The following CFAP46 variants were observed in gnomAD, a reference collection of about 807,000 sequenced individuals.
CFAP46 encodes cilia and flagella associated protein 46.
Under a neutral mutation model 325.7 loss-of-function variants are expected in CFAP46, and 245 were observed. The observed-to-expected ratio is 0.75, with a 90% CI of 0.68 to 0.84. CFAP46 has a LOEUF of 0.84. Ranked by LOEUF, CFAP46 falls within the 40% of genes least tolerant of loss-of-function variation. CFAP46 has a pLI of 0.00. For missense variants in CFAP46, 3,346 were observed against 3,543.0 expected (o/e 0.94, Z 1.41); for synonymous variants, 1,523 against 1,495.9 (o/e 1.02, Z -0.42).
rs544168728 is a variant in CFAP46, at chr10:132,884,641, G to A, written c.3627+462C>T. 1.3e-5 allele frequency among the ~76,000 whole-genome samples: 2 copies of A among 152,226 alleles called. No individual in the cohort carries two copies. Among genetic ancestry groups the A allele is most frequent in the East Asian group, 3.9e-4 (2 of 5,160 alleles). ...CCACCCCAAGGGGAACGTCCATCTC[G>A]CCTTCCTGGGGGTGGGGAAGAGACG... On this transcript the variant is annotated intron_variant, in intron 27 of 57. Transcript: ENST00000368586. The surrounding 1 kb of genome is among the most constrained non-coding windows in gnomAD (Gnocchi z 5.4).
Position 132,887,582 on chromosome 10 carries a change from CTT to C in CFAP46, c.3305-1625_3305-1624del, listed in dbSNP as rs1317175172. ...TCTTCTCTCTCCTCTCCTCTCCCCTCTTCTCTCCTCTCCCTTCTTCTCTCCTC... is the reference window on the plus strand; with the variant it reads ...TCTTCTCTCTCCTCTCCTCTCCCCTCCTCTCCTCTCCCTTCTTCTCTCCTC... On this transcript the variant is annotated intron_variant, in intron 25 of 57. Coordinates refer to ENST00000368586, the MANE Select transcript of CFAP46 (RefSeq NM_001200049.3). 8.9e-4 allele frequency among the ~76,000 whole-genome samples: 26 copies of C among 29,208 alleles called. 1 individual carries two copies. Among genetic ancestry groups the C allele is most frequent in the Non-Finnish European group, 7.0e-5 (1 of 14,384 alleles). The allele number at this position is 29,208 out of a possible 152,430, so 19.2% of individuals were successfully genotyped here. A position where few individuals can be genotyped will look rare whatever the true frequency, so the allele number is the denominator to read the frequency against.
intron 50 of CFAP46, among the ~76,000 whole-genome samples, chr10:132,820,782 CGTGCTGTGTGAGCACTGATGT>C (rs1591032065): frequency 2.1e-5 from 1 of 48,206 alleles, no homozygotes; most frequent in East Asian, 7.0e-4. Flanking sequence ...TGCGCTGATG[CGTGCTGTGTGAGCACTGATGT>C]GTGCTGTGTG....
chr10:132,935,776 T>C (rs12411822), intron 7 of CFAP46, among the ~76,000 whole-genome samples: 4 of 70,772 alleles, frequency 5.7e-5, no homozygotes, highest in African/African-American at 5.4e-5. Context: ...AAACACACTG[T>C]GATCTCCTCA....
At chr10:132,858,751 G>GT in intron 38 of CFAP46, among the ~76,000 whole-genome samples, 1 of 152,264 alleles carries the variant, frequency 6.6e-6, no homozygotes, top group East Asian at 1.9e-4. Flanking sequence ...GGGTGGTGCT[G>GT]TATGTCTGTG....
At position 132,814,879 on chromosome 10, in the gene CFAP46, G is replaced by T. The variant is rs778897600; in HGVS notation, c.7153C>A (p.Pro2385Thr). ...TTCTTCGCTAGGCTTCTCTTTTTGG[G>T]GTCTCTGCTTCTTCCCTCCTTTTTC... ...GVKKEGRSRD[P>T]KKRSLAKKGR... Residue 2385 changes from proline to threonine, a missense_variant, in exon 51 of 58, where the codon CCC (proline) becomes ACC (threonine). Physicochemically the swap from Pro to Thr is conservative, Grantham distance 38. Coordinates refer to ENST00000368586, the MANE Select transcript of CFAP46 (RefSeq NM_001200049.3). 1.2e-6 allele frequency: 2 copies of T among 1,614,018 alleles called. No homozygotes were observed. The highest frequency in any genetic ancestry group is 2.7e-5 in the African/African-American group (2 of 74,912).
In CFAP46 at chr10:132,929,788, CA is replaced by C. The variant is rs1564804275; in HGVS notation, c.882del (p.Phe294LeufsTer8). On this transcript the variant is annotated frameshift_variant, in exon 9 of 58. Coordinates refer to ENST00000368586, the MANE Select transcript of CFAP46 (RefSeq NM_001200049.3). LOFTEE classifies it high-confidence loss of function. ...SISEEKMLLLFELARFSLTLK... is the reference protein window; with the variant it reads ...SISEEKMLLLXELARFSLTLK... ...AAGGTCAAGGAAAAACGCGCCAATT[CA>C]AAAAGCAAAAGCATTCTGCAAACAA... is the stretch of plus-strand genomic sequence containing the variant. The C allele has an allele frequency of 6.2e-7, 1 of 1,608,578 alleles. No individual in the cohort carries two copies. The highest frequency in any genetic ancestry group is 8.5e-7 in the Non-Finnish European group (1 of 1,176,200).
chr10:132,917,593 G>A (rs566656299), intron 16 of CFAP46, among the ~76,000 whole-genome samples: 1 of 152,322 alleles, frequency 6.6e-6, no homozygotes, highest in Non-Finnish European at 1.5e-5. Flanking sequence ...GTTGCCGTGT[G>A]TCATCCACAC....
At chr10:132,930,585 A>G (rs1211401734) in intron 8 of CFAP46, among the ~76,000 whole-genome samples, 5 of 45,992 alleles carry the variant, frequency 1.1e-4, no homozygotes, top group Admixed American at 2.8e-4. Context: ...CACAAACAAA[A>G]CCTGGGCCTC....
Position 132,877,143 on chromosome 10 carries a change from C to T in CFAP46, c.4213-182G>A, listed in dbSNP as rs193017795. On this transcript the variant is annotated intron_variant, in intron 30 of 57. Transcript: ENST00000368586. This position sits in a 1 kb window ranked among gnomAD's most constrained non-coding sequence, Gnocchi z 5.7. ...TCTGATACTGTTTCCAGGCAGTGCA[C>T]GCAAAGCTTTCTGCCCCGTGCACAG... Among the ~76,000 whole-genome samples the T allele has an allele frequency of 6.6e-6, 1 of 152,314 alleles. No individual in the cohort carries two copies. The highest frequency in any genetic ancestry group is 1.9e-4 in the East Asian group (1 of 5,174).
At chr10:132,905,535 C>T (rs1194307503) in intron 22 of CFAP46, among the ~76,000 whole-genome samples, 3 of 149,028 alleles carry the variant, frequency 2.0e-5, no homozygotes, top group Non-Finnish European at 3.0e-5. Flanking sequence ...ATGGGAAGTA[C>T]ACTCTCTGGG....
chr10:132,850,070 G>C (rs147684638), intron 41 of CFAP46, among the ~76,000 whole-genome samples, 174 bp downstream of exon 41: 1 of 152,184 alleles, frequency 6.6e-6, no homozygotes, highest in African/African-American at 2.4e-5. Flanking sequence ...GGTCTGTTCC[G>C]GAAGGCCTGA....
At chr10:132,850,154 T>C in intron 41 of CFAP46, 90 bp downstream of exon 41, 1 of 1,298,522 alleles carries the variant, frequency 7.7e-7, no homozygotes, top group Non-Finnish European at 1.1e-6. Context: ...ACTGCTGCAA[T>C]CACAGGAGTC....
At chr10:132,841,694 C>T (rs61862293) in intron 44 of CFAP46, among the ~76,000 whole-genome samples, 12,300 of 152,228 alleles carry the variant, frequency 0.081, 508 homozygotes, top group Non-Finnish European at 0.091. Flanking sequence ...ATCAGTGCCA[C>T]GTGGCCGTGG....
intron 50 of CFAP46, among the ~76,000 whole-genome samples, chr10:132,816,456 C>T (rs910517605): frequency 1.3e-5 from 2 of 151,872 alleles, no homozygotes; most frequent in African/African-American, 4.8e-5. Context: ...CTCAGCCTCC[C>T]GAGTAGCTGG....
intron 27 of CFAP46, among the ~76,000 whole-genome samples, chr10:132,882,448 C>T (rs562426080): frequency 1.3e-5 from 2 of 151,532 alleles, no homozygotes; most frequent in East Asian, 1.9e-4. Flanking sequence ...TTGTGGATGT[C>T]GGGTGTAAGT....
Position 132,889,412 on chromosome 10 carries a change from G to GC in CFAP46, c.3304+2920dup. Among the ~76,000 whole-genome samples the GC allele has an allele frequency of 6.6e-6, 1 of 152,332 alleles. No homozygotes were observed. The highest frequency in any genetic ancestry group is 1.5e-5 in the Non-Finnish European group (1 of 68,020). Reference sequence around the variant, plus strand: ...TGCTGGGATCTGTGGGCTCACTGTGGCCTTCACACTCTGCCAGGCCCTCCT... The same window carrying GC: ...TGCTGGGATCTGTGGGCTCACTGTGGCCCTTCACACTCTGCCAGGCCCTCCT... On this transcript the variant is annotated intron_variant, in intron 25 of 57. Transcript: ENST00000368586. This position sits in a 1 kb window ranked among gnomAD's most constrained non-coding sequence, Gnocchi z 6.0.
intron 11 of CFAP46, among the ~76,000 whole-genome samples, chr10:132,924,032 T>C (rs1849768814): frequency 6.6e-6 from 1 of 152,040 alleles, no homozygotes; most frequent in Non-Finnish European, 1.5e-5. Context: ...GAGTCAAGAT[T>C]GTGCTGACGG....
At chr10:132,836,291 ACCTCAGAGGAG>A in intron 45 of CFAP46, 73 bp from the exon 46 acceptor site, 1 of 1,447,158 alleles carries the variant, frequency 6.9e-7, no homozygotes, top group Non-Finnish European at 9.6e-7. Context: ...AGCTCCAGCG[ACCTCAGAGGAG>A]CCCAGTGAGG....
Position 132,863,740 on chromosome 10 carries a change from T to C in CFAP46, c.4890+2285A>G, listed in dbSNP as rs1354502798. Among the ~76,000 whole-genome samples, 8 of 124,960 alleles carry C rather than the reference T, an allele frequency of 6.4e-5. No individual in the cohort carries two copies. The Admixed American group carries it at 6.5e-4, about 10-fold the overall frequency. The allele number at this position is 124,960 out of a possible 152,430, so 82.0% of individuals were successfully genotyped here. A position where few individuals can be genotyped will look rare whatever the true frequency, so the allele number is the denominator to read the frequency against. On this transcript the variant is annotated intron_variant, in intron 35 of 57. Coordinates refer to ENST00000368586, the MANE Select transcript of CFAP46 (RefSeq NM_001200049.3). ...ACCTGCACTCACCTGTCCCCCTTCC[T>C]GAGCCCTGCACACACCTGTTCTCAG... is the stretch of plus-strand genomic sequence containing the variant.
Sources: gnomAD v4.1 joint callset for allele counts (sites outside exome capture counted in the v4.1 genomes callset) on GRCh38, gnomAD v4.1.1 for gene constraint, Gnocchi (gnomAD v3.1) non-coding constraint, MANE v1.5 for transcripts, NCBI Gene and HGNC (gene_info 2026-07-23, HGNC 2026-07-21) for gene names.